Variants in SYNE1 observed in about 807,000 individuals in gnomAD.
The protein encoded by SYNE1 is spectrin repeat containing nuclear envelope protein 1.
In SYNE1, 616 loss-of-function variants were observed where a neutral mutation model predicts 1,111.0. The ratio of observed to expected loss-of-function variants is 0.55; its 90% CI spans 0.52 to 0.59. SYNE1 has a LOEUF of 0.59. SYNE1 is among the 20% of genes least tolerant of loss of function. SYNE1 has a pLI of 0.00. For synonymous variants in SYNE1, 3,855 were observed against 3,825.8 expected, an observed-to-expected ratio of 1.01 and a Z score of -0.28; for missense variants, 10,006 against 10,417.0, an observed-to-expected ratio of 0.96 and a Z score of 1.72.
chr6:152,410,666 G>A (rs1190559724), intron 42 of SYNE1, among the ~76,000 whole-genome samples: 1 of 152,164 alleles, frequency 6.6e-6, no homozygotes, highest in Non-Finnish European at 1.5e-5. Context: ...GGGTGGTAGA[G>A]GTTGCAGTGA....
At chr6:152,576,667 A>G (rs188032521) in intron 3 of SYNE1, among the ~76,000 whole-genome samples, 1 of 152,326 alleles carries the variant, frequency 6.6e-6, no homozygotes, top group East Asian at 1.9e-4. Context: ...AGGTATAAGG[A>G]CAGATAGCCA....
At chr6:152,488,535 G>A in intron 11 of SYNE1, 32 bp from the exon 12 acceptor site, 1 of 1,168,600 alleles carries the variant, frequency 8.6e-7, no homozygotes, top group Non-Finnish European at 1.3e-6. Context: ...AATTTTATTA[G>A]TATCTGTGCA....
intron 106 of SYNE1, among the ~76,000 whole-genome samples, chr6:152,243,600 A>G (rs1385970655): frequency 6.6e-6 from 1 of 152,248 alleles, no homozygotes; most frequent in Non-Finnish European, 1.5e-5. Context: ...AACTGTCTAA[A>G]AAAGTACAAA....
chr6:152,261,159 C>T (rs996834275), intron 101 of SYNE1, among the ~76,000 whole-genome samples: 17 of 152,320 alleles, frequency 1.1e-4, no homozygotes, highest in African/African-American at 7.2e-5. Flanking sequence ...CAGCAGCTTC[C>T]GCAGAGCAAC....
chr6:152,318,730 C>A, intron 85 of SYNE1, 133 bp downstream of exon 85: 3 of 982,206 alleles, frequency 3.1e-6, no homozygotes, highest in South Asian at 3.2e-5. Flanking sequence ...TACAAAATTT[C>A]TTTACCACCT....
chr6:152,183,200 T>G (rs1315885224), intron 128 of SYNE1, among the ~76,000 whole-genome samples: 4 of 152,162 alleles, frequency 2.6e-5, no homozygotes, highest in African/African-American at 9.7e-5. Flanking sequence ...GAATACGGCC[T>G]TTTCCCTTTC....
intron 13 of SYNE1, 109 bp from the exon 14 acceptor site, chr6:152,483,358 C>A: frequency 2.1e-6 from 2 of 939,090 alleles, no homozygotes; most frequent in Admixed American, 2.2e-5. Flanking sequence ...TTAATGATTT[C>A]AGGCTAAGTT....
At chr6:152,532,250 G>A in intron 4 of SYNE1, among the ~76,000 whole-genome samples, 1 of 152,062 alleles carries the variant, frequency 6.6e-6, no homozygotes, top group East Asian at 1.9e-4. Context: ...TAATAATTTA[G>A]TATTTAACAA....
intron 9 of SYNE1, among the ~76,000 whole-genome samples, chr6:152,503,541 G>C (rs1394905753): frequency 6.6e-6 from 1 of 152,100 alleles, no homozygotes; most frequent in East Asian, 1.9e-4. Context: ...CAATTTTAAA[G>C]GCAATAGAAA....
chr6:152,493,551 C>T (rs548745075), intron 11 of SYNE1, among the ~76,000 whole-genome samples: 6 of 152,210 alleles, frequency 3.9e-5, no homozygotes, highest in East Asian at 1.9e-4. Flanking sequence ...TGCTTCTCAC[C>T]GTATTCAATA....
At chr6:152,597,339 A>G (rs375692215) in intron 3 of SYNE1, among the ~76,000 whole-genome samples, 2 of 152,216 alleles carry the variant, frequency 1.3e-5, no homozygotes, top group South Asian at 4.1e-4. Flanking sequence ...GGGCAGTGAC[A>G]TGATCAGGGC....
chr6:152,339,114 T>A, intron 75 of SYNE1, 127 bp downstream of exon 75: 1 of 1,238,298 alleles, frequency 8.1e-7, no homozygotes, highest in Non-Finnish European at 1.1e-6. Context: ...TTTATTATAA[T>A]GGCTGTAGAA....
In SYNE1 at chr6:152,381,153, C is replaced by T. The variant is rs139845890; in HGVS notation, c.8862G>A (p.Ser2954=). 2.4e-5 allele frequency: 39 copies of T among 1,614,164 alleles called. No individual in the cohort carries two copies. The South Asian group carries it at 3.7e-4, about 15-fold the overall frequency. ...CCACTTGGCCTGAGAATTCCTGCTC[C>T]GAAAGGGCCATCTGGCTGACCAGGT... is the stretch of plus-strand genomic sequence containing the variant. The part of the protein sequence containing the change: ...LENLVSQMAL[S]EQEFSGQVAQ... Residue 2954 remains serine (S), a synonymous_variant, in exon 56 of 146, where the codon TCG becomes TCA. Coordinates refer to ENST00000367255, the MANE Select transcript of SYNE1 (RefSeq NM_182961.4).
chr6:152,281,288 C>A (rs769328402), intron 97 of SYNE1, among the ~76,000 whole-genome samples: 24 of 152,288 alleles, frequency 1.6e-4, no homozygotes, highest in Non-Finnish European at 3.1e-4. Context: ...TTACTCCTCA[C>A]AGTAATTCCT....
At chr6:152,313,173 T>C (rs550578814) in intron 87 of SYNE1, among the ~76,000 whole-genome samples, 1 of 152,356 alleles carries the variant, frequency 6.6e-6, no homozygotes, top group East Asian at 1.9e-4. Flanking sequence ...TAAGAATCTA[T>C]GTTAAAATTA....
At chr6:152,234,061 T>G in intron 111 of SYNE1, 98 bp from the exon 112 acceptor site, 1 of 1,251,872 alleles carries the variant, frequency 8.0e-7, no homozygotes, top group Non-Finnish European at 1.1e-6. Flanking sequence ...TTCCTTTACA[T>G]CCTGGAGGGG....
At chr6:152,484,038 C>CAAAAAAAAAAAAAAAAAAAAAAAA (rs773019397) in intron 13 of SYNE1, among the ~76,000 whole-genome samples, 3 of 53,522 alleles carry the variant, frequency 5.6e-5, no homozygotes, top group African/African-American at 5.8e-5. Flanking sequence ...CTCATCTCTA[C>CAAAAAAAAAAAAAAAAAAAAAAAA]AAAAAAAAAA....
intron 3 of SYNE1, among the ~76,000 whole-genome samples, chr6:152,609,649 G>A (rs995298392): frequency 1.4e-4 from 21 of 152,228 alleles, no homozygotes; most frequent in South Asian, 8.3e-4. Context: ...TGAGCTCTGA[G>A]AAAGGACAGA....
chr6:152,244,418 A>G, intron 106 of SYNE1, 119 bp downstream of exon 106: 4 of 1,488,588 alleles, frequency 2.7e-6, no homozygotes, highest in Non-Finnish European at 3.7e-6. Flanking sequence ...CTTGGTAGAA[A>G]GGTTAGGACC....
Sources: gnomAD v4.1 joint callset for allele counts (sites outside exome capture counted in the v4.1 genomes callset) on GRCh38, gnomAD v4.1.1 for gene constraint, MANE v1.5 for transcripts, NCBI Gene and HGNC (gene_info 2026-07-23, HGNC 2026-07-21) for gene names.